Variants in LRP1B observed in about 807,000 individuals in gnomAD.
LRP1B encodes low-density lipoprotein receptor-related protein 1B.
Under a neutral mutation model 556.6 loss-of-function variants are expected in LRP1B, and 217 were observed. That is an observed-to-expected ratio of 0.39 (90% CI 0.35 to 0.44). The LOEUF is 0.44. Among genes scored for constraint, LRP1B ranks in the 20% least tolerant of loss-of-function variants. The pLI, the probability that LRP1B is intolerant of heterozygous loss-of-function variation, is 1.00. For missense variants in LRP1B, 5,053 were observed against 5,620.8 expected, an observed-to-expected ratio of 0.90 and a Z score of 3.23; for synonymous variants, 2,047 against 1,865.8, an observed-to-expected ratio of 1.10 and a Z score of -2.50.
At chr2:141,310,420 A>C (rs891229295) in intron 3 of LRP1B, among the ~76,000 whole-genome samples, 1 of 152,186 alleles carries the variant, frequency 6.6e-6, no homozygotes, top group Non-Finnish European at 1.5e-5. Flanking sequence ...TATAATGATG[A>C]ACTACAATAA....
intron 66 of LRP1B, among the ~76,000 whole-genome samples, chr2:140,425,688 G>A (rs1400193151): frequency 6.6e-6 from 1 of 152,144 alleles, no homozygotes; most frequent in Non-Finnish European, 1.5e-5. Flanking sequence ...TTACAGGAGT[G>A]AGCCACCGTA....
rs925355426 is a variant in LRP1B, at chr2:141,752,975, G to A, written c.205+57304C>T. Among the ~76,000 whole-genome samples, 12 of 80,056 alleles carry A rather than the reference G, an allele frequency of 1.5e-4. No homozygotes were observed. In the East Asian group the frequency reaches 2.2e-3, roughly 15 times the overall value. The allele number at this position is 80,056 out of a possible 152,430, so 52.5% of individuals were successfully genotyped here. A position where few individuals can be genotyped will look rare whatever the true frequency, so the allele number is the denominator to read the frequency against. ...AAAAAAAAAAAATTATGCTGGGTGCGGTGGCTCGAACACCTGTAATCCCAG... is the reference window on the plus strand; with the variant it reads ...AAAAAAAAAAAATTATGCTGGGTGCAGTGGCTCGAACACCTGTAATCCCAG... On this transcript the variant is annotated intron_variant, in intron 2 of 90. Transcript: ENST00000389484.
chr2:141,914,172 A>G (rs1442421188), intron 1 of LRP1B, among the ~76,000 whole-genome samples: 1 of 152,244 alleles, frequency 6.6e-6, no homozygotes, highest in African/African-American at 2.4e-5. Flanking sequence ...TAATGTTTAT[A>G]AAAGGAATAT....
intron 66 of LRP1B, 26 bp downstream of exon 66, chr2:140,442,478 T>C: frequency 6.2e-7 from 1 of 1,600,876 alleles, no homozygotes; most frequent in Non-Finnish European, 8.5e-7. Context: ...TACGGAGAGA[T>C]AAGACCCAGA....
At chr2:141,071,523 G>T (rs1396633956) in intron 7 of LRP1B, among the ~76,000 whole-genome samples, 1 of 152,126 alleles carries the variant, frequency 6.6e-6, no homozygotes, top group Non-Finnish European at 1.5e-5. Context: ...GCAGGAGAAG[G>T]AAATAAAGGG....
chr2:140,664,511 T>A (rs1300149458), intron 41 of LRP1B, among the ~76,000 whole-genome samples: 2 of 152,116 alleles, frequency 1.3e-5, no homozygotes, highest in Admixed American at 6.6e-5. Flanking sequence ...TGGAAAATAA[T>A]TTATTTTTTA....
chr2:140,895,113 A>G (rs553049405), intron 23 of LRP1B, among the ~76,000 whole-genome samples: 59 of 152,172 alleles, frequency 3.9e-4, no homozygotes, highest in Non-Finnish European at 7.8e-4. Context: ...CACAGCCATT[A>G]TATTTATGCA....
At chr2:141,906,998 T>C (rs1699776732) in intron 1 of LRP1B, among the ~76,000 whole-genome samples, 1 of 152,006 alleles carries the variant, frequency 6.6e-6, no homozygotes, top group South Asian at 2.1e-4. Context: ...GACTTACACC[T>C]TCAAAACAGA....
chr2:140,740,183 G>A (rs1318829863), intron 35 of LRP1B, among the ~76,000 whole-genome samples: 1 of 152,074 alleles, frequency 6.6e-6, no homozygotes, highest in East Asian at 1.9e-4. Context: ...TCTATCTAGA[G>A]GAAAAAGGTC....
intron 2 of LRP1B, among the ~76,000 whole-genome samples, chr2:141,699,779 T>C (rs1444738791): frequency 6.6e-6 from 1 of 150,564 alleles, no homozygotes; most frequent in Non-Finnish European, 1.5e-5. Context: ...CATGTGAATA[T>C]TTGCCGTATT....
chr2:140,651,358 G>C (rs1421025001), intron 41 of LRP1B, among the ~76,000 whole-genome samples: 22 of 103,582 alleles, frequency 2.1e-4, no homozygotes, highest in Admixed American at 5.4e-4. Flanking sequence ...GTTGTGGGGT[G>C]GGGGGAGGGG....
At chr2:141,865,244 A>G (rs969098129) in intron 1 of LRP1B, among the ~76,000 whole-genome samples, 10 of 152,126 alleles carry the variant, frequency 6.6e-5, no homozygotes, top group Non-Finnish European at 1.3e-4. Flanking sequence ...ATTTAGAAGT[A>G]TGTCTTCTAA....
intron 6 of LRP1B, among the ~76,000 whole-genome samples, chr2:141,219,818 CCCCCAGTAAG>C (rs747369570): frequency 2.0e-5 from 3 of 152,070 alleles, no homozygotes; most frequent in Admixed American, 1.3e-4. Context: ...CTGCAGTTGT[CCCCCAGTAAG>C]CCCCAGCAGC....
chr2:140,683,799 C>T (rs1685948091), intron 41 of LRP1B: 1 of 890,952 alleles, frequency 1.1e-6, no homozygotes, highest in South Asian at 1.4e-5. Context: ...CAAAGCCAGC[C>T]TCCGGGCTAG....
intron 59 of LRP1B, among the ~76,000 whole-genome samples, chr2:140,483,615 C>CACACATATATATAT (rs1403726877): frequency 3.4e-5 from 3 of 88,352 alleles, no homozygotes; most frequent in Non-Finnish European, 4.3e-5. Context: ...CACACACACA[C>CACACATATATATAT]ATATATATAT....
chr2:141,962,864 G>A (rs1031730902), intron 1 of LRP1B, among the ~76,000 whole-genome samples: 3 of 151,718 alleles, frequency 2.0e-5, no homozygotes, highest in African/African-American at 7.3e-5. Context: ...AAGGGAATAT[G>A]ATTCGTTTTC....
chr2:140,410,927 G>T (rs1029798056), intron 66 of LRP1B, among the ~76,000 whole-genome samples: 1 of 152,114 alleles, frequency 6.6e-6, no homozygotes, highest in African/African-American at 2.4e-5. Context: ...GCTAGCAAAG[G>T]GGGAGGTGAA....
intron 3 of LRP1B, among the ~76,000 whole-genome samples, chr2:141,406,185 T>G (rs1026271700): frequency 1.3e-5 from 2 of 152,142 alleles, no homozygotes; most frequent in African/African-American, 4.8e-5. Context: ...CTAATCACTG[T>G]GCAAAACGTC....
At chr2:140,423,045 T>A (rs962844350) in intron 66 of LRP1B, among the ~76,000 whole-genome samples, 2 of 152,138 alleles carry the variant, frequency 1.3e-5, no homozygotes, top group African/African-American at 4.8e-5. Context: ...AATTTTGCAA[T>A]GTCAAGAAGC....
Sources: gnomAD v4.1 joint callset for allele counts (sites outside exome capture counted in the v4.1 genomes callset) on GRCh38, gnomAD v4.1.1 for gene constraint, MANE v1.5 for transcripts, NCBI Gene and HGNC (gene_info 2026-07-23, HGNC 2026-07-21) for gene names.